DNAAF6: variants seen among roughly 807,000 people sequenced by gnomAD.
DNAAF6 encodes the protein PIH1 domain containing 3.
In DNAAF6, 3 loss-of-function variants were observed where a neutral mutation model predicts 13.7. That is an observed-to-expected ratio of 0.22 (90% confidence interval 0.10 to 0.56). The LOEUF is 0.56. Ranked by LOEUF, DNAAF6 falls within the 20% of genes least tolerant of loss-of-function variation. DNAAF6 has a pLI of 0.92. For missense variants in DNAAF6, 130 were observed against 151.0 expected, an observed-to-expected ratio of 0.86 and a Z score of 0.73; for synonymous variants, 54 against 49.2, an observed-to-expected ratio of 1.10 and a Z score of -0.41.
chrX:107,236,182 C>G (rs1928509549), intron 5 of DNAAF6, among the ~76,000 whole-genome samples: 1 of 111,590 alleles, frequency 9.0e-6, no homozygotes, highest in Admixed American at 9.5e-5. Flanking sequence ...GAATTTAAAC[C>G]TAAGTTTGAT....
chrX:107,222,073 G>A (rs1461311395), intron 4 of DNAAF6, among the ~76,000 whole-genome samples: 2 of 111,048 alleles, frequency 1.8e-5, no homozygotes, highest in Non-Finnish European at 3.8e-5. Context: ...CATGTGTGGG[G>A]TGAAATATCA....
intron 1 of DNAAF6, among the ~76,000 whole-genome samples, 192 bp from the exon 2 acceptor site, chrX:107,212,681 G>C (rs770043195): frequency 1.4e-4 from 16 of 111,557 alleles, no homozygotes; most frequent in Non-Finnish European, 2.6e-4. Context: ...GAATGTTTGA[G>C]TTTACTTGGT....
chrX:107,222,395 C>A (rs1423554109), intron 4 of DNAAF6, among the ~76,000 whole-genome samples: 1 of 111,831 alleles, frequency 8.9e-6, no homozygotes, highest in African/African-American at 3.2e-5. Context: ...CAGTATTTTT[C>A]TGAGCTATTG....
At chrX:107,212,187 G>A (rs4826954) in intron 1 of DNAAF6, among the ~76,000 whole-genome samples, 40,489 of 110,035 alleles carry the variant, frequency 0.37, 8,025 homozygotes, top group African/African-American at 0.76. Flanking sequence ...TGGTTTTTCT[G>A]AATCCAGTAT....
In DNAAF6 at chrX:107,218,934, A is replaced by G; in HGVS notation, c.297A>G (p.Glu99=). 8.4e-7 allele frequency: 1 copy of G among 1,189,552 alleles called. No homozygotes were observed. The highest frequency in any genetic ancestry group is 1.1e-6 in the Non-Finnish European group (1 of 889,046). ...WNSEEIPEGA[E]YDDMWDVREI... is the part of the protein sequence containing the mutation. ...CAGAAGAGATTCCAGAAGGAGCAGA[A>G]TATGATGATATGTGGGATGTTAGAG... The change falls in exon 4 of 7, where the codon GAA becomes GAG. Residue 99 remains glutamate, a synonymous_variant. Transcript: ENST00000372453.
Position 107,215,970 on chromosome X carries a change from G to T in DNAAF6, c.154-701G>T, listed in dbSNP as rs532262050. On this transcript the variant is annotated intron_variant, in intron 2 of 6. Coordinates refer to ENST00000372453, the MANE Select transcript of DNAAF6 (RefSeq NM_173494.2). ...TACTTAGTTGAAAAAAATGAAGATTGCTTGTATTGGTGAGTCAGGGCAAGT... is the reference window on the plus strand; with the variant it reads ...TACTTAGTTGAAAAAAATGAAGATTTCTTGTATTGGTGAGTCAGGGCAAGT... Among the ~76,000 whole-genome samples the T allele has an allele frequency of 3.6e-5, 4 of 111,745 alleles. No homozygotes were observed. In the South Asian group the frequency reaches 1.5e-3, roughly 42 times the overall value.
chrX:107,220,214 T>C (rs977338167), intron 4 of DNAAF6, among the ~76,000 whole-genome samples: 1 of 112,316 alleles, frequency 8.9e-6, no homozygotes, highest in Middle Eastern at 4.6e-3. Context: ...GAAAGAAGTA[T>C]CCAGCTTTCA....
chrX:107,239,421 A>C (rs1928584014), intron 6 of DNAAF6, among the ~76,000 whole-genome samples: 1 of 111,883 alleles, frequency 8.9e-6, no homozygotes, highest in Non-Finnish European at 1.9e-5. Context: ...TTTCATTTAA[A>C]TCAACAAAAA....
intron 5 of DNAAF6, among the ~76,000 whole-genome samples, chrX:107,228,606 C>T (rs1395034510): frequency 9.2e-6 from 1 of 109,060 alleles, no homozygotes; most frequent in Non-Finnish European, 1.9e-5. Context: ...TTGGTTGTCA[C>T]AATGATTACA....
At chrX:107,227,583 A>G (rs1273260371) in intron 5 of DNAAF6, among the ~76,000 whole-genome samples, 1 of 109,301 alleles carries the variant, frequency 9.1e-6, no homozygotes, top group African/African-American at 3.3e-5. Flanking sequence ...GATCTGTACT[A>G]TGATTCCTTA....
chrX:107,243,073 C>T, intron 6 of DNAAF6, 96 bp from the exon 7 acceptor site: 2 of 948,182 alleles, frequency 2.1e-6, no homozygotes, highest in East Asian at 3.5e-5. Context: ...GGGTTGTTTT[C>T]TAACACTCTA....
chrX:107,225,642 G>A (rs1928238773), intron 5 of DNAAF6, among the ~76,000 whole-genome samples: 1 of 111,409 alleles, frequency 9.0e-6, no homozygotes, highest in Admixed American at 9.6e-5. Flanking sequence ...CGTACAAGAA[G>A]TGATTTGGGG....
chrX:107,212,937 T>C lies in DNAAF6; in HGVS notation c.62T>C (p.Val21Ala). ...ACAGAAAATATGGAATCTCAAAATG[T>C]AGACTTTGAGAGTGTTTCTTCAGTT... is the stretch of plus-strand genomic sequence containing the variant. ...MKTENMESQN[V>A]DFESVSSVTA... is the part of the protein sequence containing the mutation. Residue 21 changes from valine to alanine, a missense_variant, in exon 2 of 7, where the codon GTA (valine) becomes GCA (alanine). Transcript: ENST00000372453. 4 of 1,206,679 alleles carry C rather than the reference T, an allele frequency of 3.3e-6. No homozygotes were observed. Among genetic ancestry groups the C allele is most frequent in the Non-Finnish European group, 4.5e-6 (4 of 893,330 alleles).
intron 5 of DNAAF6, among the ~76,000 whole-genome samples, chrX:107,236,771 A>T (rs1928523835): frequency 1.8e-5 from 2 of 112,110 alleles, no homozygotes; most frequent in Non-Finnish European, 3.8e-5. Flanking sequence ...TTGCCATGAA[A>T]ATTCTAAACA....
chrX:107,210,722 C>T (rs1927836644), intron 1 of DNAAF6, among the ~76,000 whole-genome samples: 1 of 111,430 alleles, frequency 9.0e-6, no homozygotes, highest in Non-Finnish European at 1.9e-5. Context: ...CCACCATACC[C>T]GGCCAGAATC....
chrX:107,243,274 G>C lies in DNAAF6; in HGVS notation c.621G>C (p.Glu207Asp), dbSNP rs763809552. Residue 207 changes from glutamate (E) to aspartate (D), a missense_variant, in exon 7 of 7, where the codon GAG (glutamate) becomes GAC (aspartate). By Grantham distance (45) the Glu-to-Asp change is conservative. Coordinates refer to ENST00000372453, the MANE Select transcript of DNAAF6 (RefSeq NM_173494.2). ...AAATCACTATGACTATGAAAAGAGAGTTAGATATTGCTAATTTCTTCTGAA... is the reference window on the plus strand; with the variant it reads ...AAATCACTATGACTATGAAAAGAGACTTAGATATTGCTAATTTCTTCTGAA... ...TLEITMTMKR[E>D]LDIANFF 8 of 1,202,654 alleles carry C rather than the reference G, an allele frequency of 6.7e-6. No homozygotes were observed. The South Asian group carries it at 1.5e-4, about 22-fold the overall frequency.
chrX:107,222,752 A>G lies in DNAAF6; in HGVS notation c.340A>G (p.Ile114Val). ...TCATTGATTTTTTTTCAGGTATGAG[A>G]TTATATTCAGACAGCAGGTGGGAAC... ...WDVREIPEYE[I>V]IFRQQVGTED... Residue 114 changes from isoleucine to valine, a missense_variant, in exon 5 of 7, where the codon ATT becomes GTT. By Grantham distance (29) the Ile-to-Val change is conservative. Transcript: ENST00000372453. 1 of 1,201,996 alleles carries G rather than the reference A, an allele frequency of 8.3e-7. No individual in the cohort carries two copies. The highest frequency in any genetic ancestry group is 1.1e-6 in the Non-Finnish European group (1 of 891,445).
intron 5 of DNAAF6, among the ~76,000 whole-genome samples, chrX:107,228,548 TA>T (rs113760137): frequency 1.5e-3 from 152 of 101,441 alleles, no homozygotes; most frequent in African/African-American, 1.6e-3. Context: ...GAACAAACAG[TA>T]AAAAAAAAAA....
chrX:107,217,654 A>G (rs996196450), intron 3 of DNAAF6, among the ~76,000 whole-genome samples: 1 of 112,481 alleles, frequency 8.9e-6, no homozygotes, highest in Admixed American at 9.5e-5. Flanking sequence ...AATCTTTAAA[A>G]ATATAAAAGG....
Sources: gnomAD v4.1 joint callset for allele counts (sites outside exome capture counted in the v4.1 genomes callset) on GRCh38, gnomAD v4.1.1 for gene constraint, MANE v1.5 for transcripts, NCBI Gene and HGNC (gene_info 2026-07-23, HGNC 2026-07-21) for gene names.